Variants in STAG1 observed in about 807,000 individuals in gnomAD.
STAG1 encodes cohesin subunit SA-1.
A neutral mutation model predicts 170.9 loss-of-function variants in STAG1; 26 were observed. That is an observed-to-expected ratio of 0.15 (90% confidence interval 0.11 to 0.21). STAG1 has a LOEUF of 0.21. Among genes scored for constraint, STAG1 ranks in the 10% least tolerant of loss-of-function variants. STAG1 has a pLI of 1.00. For missense variants in STAG1, 964 were observed against 1,509.5 expected, an observed-to-expected ratio of 0.64 and a Z score of 5.99; for synonymous variants, 514 against 497.7, an observed-to-expected ratio of 1.03 and a Z score of -0.44.
intron 3 of STAG1, among the ~76,000 whole-genome samples, chr3:136,611,299 G>A (rs1939263967): frequency 1.3e-5 from 2 of 151,736 alleles, no homozygotes; most frequent in African/African-American, 4.8e-5. Flanking sequence ...ACAAGCATGC[G>A]CCACCATGCC....
chr3:136,416,550 A>C (rs1307728303), intron 21 of STAG1, among the ~76,000 whole-genome samples: 1 of 152,244 alleles, frequency 6.6e-6, no homozygotes, highest in Non-Finnish European at 1.5e-5. Context: ...AAAATGGAGA[A>C]AAGGATAAAA....
intron 9 of STAG1, among the ~76,000 whole-genome samples, chr3:136,498,614 G>A (rs1933290566): frequency 6.6e-6 from 1 of 150,784 alleles, no homozygotes. Flanking sequence ...TTTTATAGGT[G>A]TATATATGTC....
chr3:136,416,191 A>G (rs1304194037), intron 21 of STAG1, among the ~76,000 whole-genome samples: 1 of 152,074 alleles, frequency 6.6e-6, no homozygotes, highest in Non-Finnish European at 1.5e-5. Context: ...TATTTTTAGT[A>G]GAGATGGGGT....
intron 1 of STAG1, among the ~76,000 whole-genome samples, chr3:136,700,884 T>C (rs1394094541): frequency 5.1e-5 from 7 of 135,962 alleles, no homozygotes; most frequent in Non-Finnish European, 6.4e-5. Context: ...TTCTTTTTTT[T>C]TTTTTTTTTT....
chr3:136,538,227 C>A (rs1321529374), intron 6 of STAG1, among the ~76,000 whole-genome samples: 1 of 151,946 alleles, frequency 6.6e-6, no homozygotes, highest in Non-Finnish European at 1.5e-5. Context: ...ACATTTAATT[C>A]TATTAATAAA....
intron 1 of STAG1, among the ~76,000 whole-genome samples, chr3:136,656,451 C>CT (rs1941372121): frequency 2.5e-4 from 3 of 11,824 alleles, no homozygotes; most frequent in Non-Finnish European, 4.0e-4. Flanking sequence ...TGTATTTTAT[C>CT]ATTTTTTTTC....
intron 1 of STAG1, among the ~76,000 whole-genome samples, chr3:136,686,649 C>A (rs192370922): frequency 2.0e-5 from 3 of 152,270 alleles, no homozygotes; most frequent in Admixed American, 1.3e-4. Flanking sequence ...AGCTCTAATC[C>A]ATGAACCCAA....
At chr3:136,528,694 C>T (rs182005231) in intron 6 of STAG1, among the ~76,000 whole-genome samples, 84 of 152,172 alleles carry the variant, frequency 5.5e-4, no homozygotes, top group Non-Finnish European at 9.3e-4. Flanking sequence ...TCACATGTAT[C>T]ATCCCACCAG....
intron 16 of STAG1, among the ~76,000 whole-genome samples, chr3:136,429,395 G>A (rs532164655): frequency 1.3e-5 from 2 of 152,082 alleles, no homozygotes; most frequent in African/African-American, 2.4e-5. Flanking sequence ...TGACAAGAGC[G>A]AAACTCTGTC....
intron 5 of STAG1, among the ~76,000 whole-genome samples, chr3:136,562,445 G>C (rs1936884306): frequency 6.7e-6 from 1 of 149,258 alleles, no homozygotes; most frequent in Admixed American, 6.7e-5. Context: ...ATTTTTAGTA[G>C]AGACGGGGTT....
At chr3:136,412,205 TA>T (rs912707451) in intron 21 of STAG1, among the ~76,000 whole-genome samples, 68 of 152,222 alleles carry the variant, frequency 4.5e-4, no homozygotes, top group Non-Finnish European at 3.4e-4. Context: ...CAATTTTTTT[TA>T]AAAGGAATTC....
chr3:136,728,734 A>G (rs976900972), intron 1 of STAG1, among the ~76,000 whole-genome samples: 2 of 152,222 alleles, frequency 1.3e-5, no homozygotes, highest in South Asian at 2.1e-4. Flanking sequence ...AAAAATTTCC[A>G]TCACTGCAGA....
chr3:136,484,681 T>C (rs371618313), intron 9 of STAG1, among the ~76,000 whole-genome samples: 98 of 150,584 alleles, frequency 6.5e-4, no homozygotes, highest in African/African-American at 2.2e-3. Flanking sequence ...CCCAGCCTCG[T>C]TGCCGCCTTG....
At chr3:136,740,220 G>A (rs1267461819) in intron 1 of STAG1, among the ~76,000 whole-genome samples, 1 of 152,064 alleles carries the variant, frequency 6.6e-6, no homozygotes. Flanking sequence ...TCCAGCCCGG[G>A]CAACAAAGCG....
chr3:136,532,719 G>A (rs753534378), intron 6 of STAG1, among the ~76,000 whole-genome samples: 1 of 152,030 alleles, frequency 6.6e-6, no homozygotes, highest in Non-Finnish European at 1.5e-5. Flanking sequence ...ATCCAACAAC[G>A]CTTCATGATA....
intron 21 of STAG1, among the ~76,000 whole-genome samples, chr3:136,404,858 CAT>C (rs1416615724): frequency 1.4e-4 from 15 of 110,824 alleles, no homozygotes; most frequent in Middle Eastern, 4.5e-3. Flanking sequence ...AATAATTATG[CAT>C]ATATGTGTGT....
chr3:136,702,161 G>C (rs1244333402), intron 1 of STAG1, among the ~76,000 whole-genome samples: 1 of 81,704 alleles, frequency 1.2e-5, no homozygotes, highest in Non-Finnish European at 2.3e-5. Context: ...GAGACAGAGA[G>C]AATGAGAATG....
intron 12 of STAG1, 113 bp downstream of exon 12, chr3:136,472,300 A>T: frequency 1.8e-6 from 1 of 555,136 alleles, no homozygotes; most frequent in Non-Finnish European, 3.0e-6. Flanking sequence ...TAAAAGTTGA[A>T]CCTAAAATGA....
At chr3:136,723,016 T>A (rs1211092178) in intron 1 of STAG1, among the ~76,000 whole-genome samples, 30 of 152,144 alleles carry the variant, frequency 2.0e-4, no homozygotes, top group Non-Finnish European at 3.7e-4. Context: ...CAGGCTGGAG[T>A]GCAGTGGCGT....
Sources: gnomAD v4.1 joint callset for allele counts (sites outside exome capture counted in the v4.1 genomes callset) on GRCh38, gnomAD v4.1.1 for gene constraint, MANE v1.5 for transcripts, NCBI Gene and HGNC (gene_info 2026-07-23, HGNC 2026-07-21) for gene names.